The following RCAN2 variants were observed in gnomAD, a reference collection of about 807,000 sequenced individuals.
RCAN2 encodes the protein regulator of calcineurin 2.
In RCAN2, 9 loss-of-function variants were observed where a neutral mutation model predicts 23.6. The ratio of observed to expected loss-of-function variants is 0.38; its 90% CI spans 0.23 to 0.67. The LOEUF (loss-of-function observed/expected upper bound fraction) is 0.67, where lower values mean the gene tolerates loss of function less well. RCAN2 is among the 30% of genes least tolerant of loss of function. RCAN2 has a pLI of 0.51. For missense variants in RCAN2, 273 were observed against 302.3 expected (o/e 0.90, Z 0.72); for synonymous variants, 109 against 115.7 (o/e 0.94, Z 0.37).
intron 2 of RCAN2, among the ~76,000 whole-genome samples, chr6:46,322,348 A>C (rs888488129): frequency 6.6e-6 from 1 of 152,248 alleles, no homozygotes; most frequent in Non-Finnish European, 1.5e-5. Context: ...TAAGTTCACA[A>C]CACCACCAAT....
In RCAN2 at chr6:46,402,436, C is replaced by G. The variant is rs911425523; in HGVS notation, c.225+54316G>C. On this transcript the variant is annotated intron_variant, in intron 2 of 4. Coordinates refer to ENST00000371374, the MANE Select transcript of RCAN2 (RefSeq NM_001251974.2). The stretch of plus-strand genomic sequence containing the variant: ...GAGCTTGGTCATAGAAACTAGAATC[C>G]CTCTTCCCCAAGGCAAGTCAGAAAC... 2.0e-5 allele frequency among the ~76,000 whole-genome samples: 3 copies of G among 152,138 alleles called. No homozygotes were observed. The South Asian group carries it at 6.2e-4, about 32-fold the overall frequency.
chr6:46,340,970 G>A (rs1764301817), intron 2 of RCAN2, among the ~76,000 whole-genome samples: 1 of 152,180 alleles, frequency 6.6e-6, no homozygotes, highest in Non-Finnish European at 1.5e-5. Context: ...GATAGCATGT[G>A]TCAAGACAGA....
chr6:46,288,489 G>A (rs1438315083), intron 2 of RCAN2, among the ~76,000 whole-genome samples: 1 of 152,176 alleles, frequency 6.6e-6, no homozygotes, highest in Admixed American at 6.5e-5. Context: ...TACCCTCTGA[G>A]GATTCTAATA....
Position 46,313,428 on chromosome 6 carries a change from A to C in RCAN2, c.226-64532T>G, listed in dbSNP as rs77508733. 1.9e-3 allele frequency among the ~76,000 whole-genome samples: 287 copies of C among 152,362 alleles called. 3 individuals carry two copies. The highest frequency in any genetic ancestry group is 6.8e-3 in the African/African-American group (281 of 41,576). On this transcript the variant is annotated intron_variant, in intron 2 of 4. Coordinates refer to ENST00000371374, the MANE Select transcript of RCAN2 (RefSeq NM_001251974.2). Reference sequence around the variant, plus strand: ...CACATTTCTCAAGTGGGACTGTCTCACTAATGCTATACCAGGGCATCAGGA... The same window carrying C: ...CACATTTCTCAAGTGGGACTGTCTCCCTAATGCTATACCAGGGCATCAGGA...
At chr6:46,490,886 G>T (rs1279952623) in intron 1 of RCAN2, among the ~76,000 whole-genome samples, 3 of 152,110 alleles carry the variant, frequency 2.0e-5, no homozygotes, top group Admixed American at 1.3e-4. Context: ...CGGGCAGTGG[G>T]GAAGGGGCTC....
intron 2 of RCAN2, among the ~76,000 whole-genome samples, chr6:46,368,441 CA>C (rs564736198): frequency 3.6e-4 from 55 of 152,234 alleles, no homozygotes; most frequent in Admixed American, 2.0e-3. Context: ...TACAGTCATG[CA>C]TTGCTTAATG....
rs531527966 is a variant in RCAN2, at chr6:46,441,885, T to C, written c.225+14867A>G. On this transcript the variant is annotated intron_variant, in intron 2 of 4. Transcript: ENST00000371374. ...TAAGGAAGTCTATACAGCACACTAA[T>C]AACCCCACTCTCACAGAGAAAATAG... Among the ~76,000 whole-genome samples, 327 of 152,328 alleles carry C rather than the reference T, an allele frequency of 2.1e-3. 2 individuals carry two copies. Among genetic ancestry groups the C allele is most frequent in the African/African-American group, 7.3e-3 (304 of 41,584 alleles).
intron 2 of RCAN2, among the ~76,000 whole-genome samples, chr6:46,270,657 G>T (rs1243300803): frequency 6.6e-6 from 1 of 152,176 alleles, no homozygotes; most frequent in East Asian, 1.9e-4. Context: ...AAAGTGGTGG[G>T]CTGTCACTTC....
chr6:46,278,079 T>C (rs1767775126), intron 2 of RCAN2, among the ~76,000 whole-genome samples: 1 of 152,182 alleles, frequency 6.6e-6, no homozygotes, highest in Non-Finnish European at 1.5e-5. Context: ...CCTGATAATC[T>C]TCAGGATACC....
chr6:46,230,222 G>C (rs531646954), intron 4 of RCAN2, among the ~76,000 whole-genome samples: 1 of 152,202 alleles, frequency 6.6e-6, no homozygotes. Context: ...CTACTCAGGG[G>C]TCAGGGAACC....
At chr6:46,390,072 G>A (rs1392805796) in intron 2 of RCAN2, among the ~76,000 whole-genome samples, 1 of 150,366 alleles carries the variant, frequency 6.7e-6, no homozygotes, top group Non-Finnish European at 1.5e-5. Flanking sequence ...TACTGTTTTT[G>A]AAATTATCGT....
At chr6:46,325,482 C>A (rs1374134418) in intron 2 of RCAN2, 2 of 1,613,572 alleles carry the variant, frequency 1.2e-6, no homozygotes, top group African/African-American at 1.3e-5. Flanking sequence ...GCTGGCATTC[C>A]CCCTTCTGAA....
At chr6:46,411,611 A>G (rs1766551703) in intron 2 of RCAN2, among the ~76,000 whole-genome samples, 1 of 152,196 alleles carries the variant, frequency 6.6e-6, no homozygotes, top group Non-Finnish European at 1.5e-5. Context: ...AAATGAGCCA[A>G]CCAACCAATA....
intron 2 of RCAN2, among the ~76,000 whole-genome samples, chr6:46,445,384 C>T (rs1486971237): frequency 1.3e-5 from 2 of 152,192 alleles, no homozygotes; most frequent in Non-Finnish European, 2.9e-5. Flanking sequence ...AGCAAGTTCA[C>T]CCATGGACCA....
At chr6:46,278,531 T>C (rs1767789905) in intron 2 of RCAN2, among the ~76,000 whole-genome samples, 1 of 152,182 alleles carries the variant, frequency 6.6e-6, no homozygotes, top group Non-Finnish European at 1.5e-5. Flanking sequence ...TGTACAATTA[T>C]CAAACCAGGA....
At chr6:46,413,420 G>T (rs1322121589) in intron 2 of RCAN2, among the ~76,000 whole-genome samples, 5 of 152,120 alleles carry the variant, frequency 3.3e-5, no homozygotes, top group Non-Finnish European at 7.4e-5. Context: ...TTTTTTTTAT[G>T]TGAAATTCCC....
At chr6:46,370,900 C>G (rs1181127106) in intron 2 of RCAN2, among the ~76,000 whole-genome samples, 1 of 152,244 alleles carries the variant, frequency 6.6e-6, no homozygotes, top group Admixed American at 6.5e-5. Context: ...CATCACATTC[C>G]TGTCCTGTGC....
chr6:46,411,788 A>G (rs948104631), intron 2 of RCAN2, among the ~76,000 whole-genome samples: 3 of 152,356 alleles, frequency 2.0e-5, no homozygotes, highest in African/African-American at 7.2e-5. Flanking sequence ...AGGAAGAAAG[A>G]CCAGTTGGTT....
chr6:46,342,054 T>C (rs908706525), intron 2 of RCAN2, among the ~76,000 whole-genome samples: 1 of 152,158 alleles, frequency 6.6e-6, no homozygotes, highest in Non-Finnish European at 1.5e-5. Flanking sequence ...TTGGAAATAC[T>C]GGAGCTTTGA....
Sources: gnomAD v4.1 joint callset for allele counts (sites outside exome capture counted in the v4.1 genomes callset) on GRCh38, gnomAD v4.1.1 for gene constraint, MANE v1.5 for transcripts, NCBI Gene and HGNC (gene_info 2026-07-23, HGNC 2026-07-21) for gene names.